Variants in MAPRE2 observed in about 807,000 individuals in gnomAD.
MAPRE2 encodes microtubule associated protein RP/EB family member 2, also known as microtubule-associated protein RP/EB family member 2.
Under a neutral mutation model 43.2 loss-of-function variants are expected in MAPRE2, and 13 were observed. That is an observed-to-expected ratio of 0.30 (90% CI 0.20 to 0.48). The LOEUF (loss-of-function observed/expected upper bound fraction) is 0.48. Ranked by LOEUF, MAPRE2 falls within the 20% of genes least tolerant of loss-of-function variation. MAPRE2 has a pLI of 0.99. For synonymous variants in MAPRE2, 135 were observed against 148.8 expected, an observed-to-expected ratio of 0.91 and a Z score of 0.68; for missense variants, 161 against 400.2, an observed-to-expected ratio of 0.40 and a Z score of 5.10.
chr18:35,042,772 C>G (rs193214006), intron 1 of MAPRE2, among the ~76,000 whole-genome samples: 46 of 152,264 alleles, frequency 3.0e-4, no homozygotes, highest in Non-Finnish European at 8.8e-5. Flanking sequence ...CAGGAAATAA[C>G]TCTTTTTTTC....
upstream of MAPRE2, among the ~76,000 whole-genome samples, chr18:35,040,420 C>A (rs1451952635): frequency 1.3e-5 from 2 of 152,190 alleles, no homozygotes; most frequent in Non-Finnish European, 2.9e-5. Flanking sequence ...TGTCCAGTCA[C>A]ATTGATAAAA....
At position 35,143,320 on chromosome 18, in the gene MAPRE2, T is replaced by C. The variant is rs1438782499; in HGVS notation, c.*2951T>C. 1 of 152,170 alleles carries C rather than the reference T, an allele frequency of 6.6e-6. No individual in the cohort carries two copies. Among genetic ancestry groups the C allele is most frequent in the African/African-American group, 2.4e-5 (1 of 41,442 alleles). 9.4% of individuals were successfully genotyped at this position (152,170 alleles called of 1,614,324 possible). A position where few individuals can be genotyped will look rare whatever the true frequency, so the allele number is the denominator to read the frequency against. Reference sequence around the variant, plus strand: ...TATAGATAAGTAATGACATAATAGATGAAAAAGTCTTATTCAGATGTATCA... The same window carrying C: ...TATAGATAAGTAATGACATAATAGACGAAAAAGTCTTATTCAGATGTATCA... On this transcript the variant is annotated 3_prime_UTR_variant, in exon 7 of 7. Transcript: ENST00000300249.
chr18:34,998,495 T>A lies in MAPRE2; in HGVS notation c.-69-6997T>A, dbSNP rs560885242. ...GTGCCCGCCACCACACCCCGCTAATTTTTTTATATTTTTAGTAGAGACGGG... is the reference window on the plus strand; with the variant it reads ...GTGCCCGCCACCACACCCCGCTAATATTTTTATATTTTTAGTAGAGACGGG... On this transcript the variant is annotated intron_variant, in intron 1 of 7. Coordinates refer to the MAPRE2 transcript ENST00000413393. Among the ~76,000 whole-genome samples the A allele has an allele frequency of 2.0e-5, 3 of 151,874 alleles. No homozygotes were observed. The East Asian group carries it at 5.8e-4, about 29-fold the overall frequency.
intron 2 of MAPRE2, among the ~76,000 whole-genome samples, chr18:35,073,677 T>C (rs1907214533): frequency 6.6e-6 from 1 of 152,232 alleles, no homozygotes; most frequent in East Asian, 1.9e-4. Flanking sequence ...TTTAAAATTT[T>C]CCAGCTAAGA....
At chr18:35,010,266 T>G (rs1264021860) in intron 2 of MAPRE2, among the ~76,000 whole-genome samples, 1 of 152,094 alleles carries the variant, frequency 6.6e-6, no homozygotes, top group African/African-American at 2.4e-5. Flanking sequence ...AATTAGCCAG[T>G]GTGGTGGCCC....
intron 1 of MAPRE2, among the ~76,000 whole-genome samples, chr18:35,004,914 T>A (rs2097031090): frequency 6.9e-6 from 1 of 143,988 alleles, no homozygotes; most frequent in Admixed American, 7.1e-5. Context: ...CGAGACTCCA[T>A]CTCCAAAAAA....
chr18:35,029,605 G>A (rs751111816), intron 2 of MAPRE2, among the ~76,000 whole-genome samples: 1 of 152,144 alleles, frequency 6.6e-6, no homozygotes, highest in Non-Finnish European at 1.5e-5. Flanking sequence ...TGAGTTAGTT[G>A]ATTTTTAAGA....
chr18:35,109,769 T>C (rs1281128863), intron 4 of MAPRE2, among the ~76,000 whole-genome samples: 2 of 152,158 alleles, frequency 1.3e-5, no homozygotes, highest in Admixed American at 6.5e-5. Context: ...TTCATTCTGA[T>C]AATCTTTACT....
intron 1 of MAPRE2, among the ~76,000 whole-genome samples, chr18:34,999,117 T>C (rs554686337): frequency 6.6e-6 from 1 of 152,302 alleles, no homozygotes; most frequent in Admixed American, 6.5e-5. Context: ...TGTGCTACTT[T>C]GACACGTAAC....
At chr18:35,006,098 T>C (rs2097031743) in intron 2 of MAPRE2, among the ~76,000 whole-genome samples, 2 of 152,114 alleles carry the variant, frequency 1.3e-5, no homozygotes, top group Admixed American at 1.3e-4. Context: ...TTACTCTAAG[T>C]CTCTGTAAGT....
At chr18:35,012,638 A>T (rs1390742226) in intron 2 of MAPRE2, among the ~76,000 whole-genome samples, 1 of 152,246 alleles carries the variant, frequency 6.6e-6, no homozygotes, top group African/African-American at 2.4e-5. Flanking sequence ...GAAATACACC[A>T]GTCACAAAAA....
At chr18:35,127,257 A>G (rs1909949534) in intron 5 of MAPRE2, 170 bp downstream of exon 5, 1 of 638,738 alleles carries the variant, frequency 1.6e-6, no homozygotes. Context: ...GTAGCCCATG[A>G]TGAATAAAAA....
intron 2 of MAPRE2, among the ~76,000 whole-genome samples, chr18:35,006,333 T>C (rs1396931410): frequency 1.3e-5 from 2 of 152,180 alleles, no homozygotes; most frequent in Non-Finnish European, 2.9e-5. Context: ...GCATCAAACA[T>C]TTTTACTTAA....
At chr18:35,124,212 CAT>C (rs1184545646) in intron 4 of MAPRE2, among the ~76,000 whole-genome samples, 1 of 152,114 alleles carries the variant, frequency 6.6e-6, no homozygotes, top group Non-Finnish European at 1.5e-5. Context: ...GGGAAGCAAA[CAT>C]GTCCCTCTTC....
intron 1 of MAPRE2, among the ~76,000 whole-genome samples, chr18:34,984,978 A>T (rs868307853): frequency 2.5e-3 from 77 of 31,122 alleles, no homozygotes; most frequent in African/African-American, 6.4e-3. Context: ...ATAATATATA[A>T]AATATATTAT....
intron 2 of MAPRE2, among the ~76,000 whole-genome samples, chr18:35,095,733 A>C (rs924676252): frequency 6.6e-6 from 1 of 152,104 alleles, no homozygotes; most frequent in Non-Finnish European, 1.5e-5. Context: ...TTAAAGTGGC[A>C]ATTGGAATTT....
intron 2 of MAPRE2, among the ~76,000 whole-genome samples, chr18:35,019,731 G>C (rs796633850): frequency 8.6e-5 from 13 of 152,042 alleles, no homozygotes; most frequent in African/African-American, 3.1e-4. Context: ...GTTAACTTTG[G>C]TGTGCCTGAA....
intron 4 of MAPRE2, among the ~76,000 whole-genome samples, chr18:35,112,036 A>G (rs1473073679): frequency 6.6e-6 from 1 of 152,228 alleles, no homozygotes. Flanking sequence ...TTAAGGATCA[A>G]ATATTAATTT....
At chr18:35,058,626 A>G (rs781389969) in intron 1 of MAPRE2, among the ~76,000 whole-genome samples, 1 of 152,230 alleles carries the variant, frequency 6.6e-6, no homozygotes, top group Non-Finnish European at 1.5e-5. Context: ...CATACCTTAT[A>G]TGTTACAGCT....
Sources: gnomAD v4.1 joint callset for allele counts (sites outside exome capture counted in the v4.1 genomes callset) on GRCh38, gnomAD v4.1.1 for gene constraint, MANE v1.5 for transcripts, NCBI Gene and HGNC (gene_info 2026-07-23, HGNC 2026-07-21) for gene names.